ANKRD45: variants seen among roughly 807,000 people sequenced by gnomAD.
The protein encoded by ANKRD45 is ankyrin repeat domain-containing protein 45.
A neutral mutation model predicts 28.1 loss-of-function variants in ANKRD45; 21 were observed. The ratio of observed to expected loss-of-function variants is 0.75; its 90% CI spans 0.53 to 1.08. The LOEUF (loss-of-function observed/expected upper bound fraction) is 1.08. Ranked by LOEUF, ANKRD45 falls within the 50% of genes least tolerant of loss-of-function variation. ANKRD45 has a pLI of 0.00. For synonymous variants in ANKRD45, 86 were observed against 103.9 expected, an observed-to-expected ratio of 0.83 and a Z score of 1.05; for missense variants, 261 against 308.7, an observed-to-expected ratio of 0.85 and a Z score of 1.16.
intron 3 of ANKRD45, among the ~76,000 whole-genome samples, chr1:173,636,551 C>T (rs1354820983): frequency 6.6e-6 from 1 of 152,136 alleles, no homozygotes; most frequent in African/African-American, 2.4e-5. Context: ...CAAATAATTT[C>T]TCCCAAGAGA....
At chr1:173,655,902 C>T (rs188097249) in intron 2 of ANKRD45, among the ~76,000 whole-genome samples, 33 of 152,224 alleles carry the variant, frequency 2.2e-4, no homozygotes, top group Non-Finnish European at 2.8e-4. Context: ...GCATGGGACC[C>T]GCCAAGCCAG....
At chr1:173,695,529 G>A in the ANKRD45 span, among the ~76,000 whole-genome samples, 1 of 152,130 alleles carries the variant, frequency 6.6e-6, no homozygotes, top group Non-Finnish European at 1.5e-5. Flanking sequence ...CAAAGGACAT[G>A]ATATCACTCT....
chr1:173,631,089 C>A (rs1185547793), intron 3 of ANKRD45, among the ~76,000 whole-genome samples: 1 of 151,794 alleles, frequency 6.6e-6, no homozygotes, highest in Admixed American at 6.6e-5. Flanking sequence ...ACACACTTCA[C>A]CTGTAAAGAC....
At position 173,610,085 on chromosome 1, in the gene ANKRD45, C is replaced by A. The variant is rs1667076163; in HGVS notation, c.*60G>T. ...CATCTGTTTTCTCGATTTCAAATGG[C>A]ATGAATAGGTTTGCCTTTCAGATAC... On this transcript the variant is annotated 3_prime_UTR_variant, in exon 6 of 6. Transcript: ENST00000333279. 1.3e-6 allele frequency: 2 copies of A among 1,488,400 alleles called. No homozygotes were observed. The highest frequency in any genetic ancestry group is 2.8e-5 in the African/African-American group (2 of 71,544). 92.2% of individuals were successfully genotyped at this position (1,488,400 alleles called of 1,614,324 possible). A position where few individuals can be genotyped will look rare whatever the true frequency, so the allele number is the denominator to read the frequency against.
At chr1:173,632,603 C>T (rs1186203243) in intron 3 of ANKRD45, among the ~76,000 whole-genome samples, 2 of 151,542 alleles carry the variant, frequency 1.3e-5, no homozygotes, top group Non-Finnish European at 2.9e-5. Flanking sequence ...CAAAAATCCT[C>T]AACAAAATGC....
the ANKRD45 span, among the ~76,000 whole-genome samples, chr1:173,681,696 T>G: frequency 6.6e-6 from 1 of 152,062 alleles, no homozygotes; most frequent in African/African-American, 2.4e-5. Flanking sequence ...GAAAATCAAA[T>G]AGAAAAATTT....
In ANKRD45 at chr1:173,609,403, G is replaced by C. The variant is rs1667051293; in HGVS notation, c.*742C>G. ...AACGTAAGAGAAGGTTGAGGCGCCT[G>C]ATTAAATAAATTAGAAAAAAGGCTT... On this transcript the variant is annotated 3_prime_UTR_variant, in exon 6 of 6. Coordinates refer to ENST00000333279, the MANE Select transcript of ANKRD45 (RefSeq NM_198493.3). 6.6e-6 allele frequency among the ~76,000 whole-genome samples: 1 copy of C among 152,192 alleles called. No individual in the cohort carries two copies. Among genetic ancestry groups the C allele is most frequent in the Admixed American group, 6.5e-5 (1 of 15,288 alleles).
At chr1:173,652,428 T>C (rs1202721574) in intron 2 of ANKRD45, among the ~76,000 whole-genome samples, 3 of 152,214 alleles carry the variant, frequency 2.0e-5, no homozygotes, top group Non-Finnish European at 4.4e-5. Flanking sequence ...GAACCAGCCT[T>C]GCATCCCAGG....
intron 1 of ANKRD45, chr1:173,667,742 C>T: frequency 2.3e-6 from 1 of 431,884 alleles, no homozygotes; most frequent in Admixed American, 2.7e-5. Context: ...CTACCACTTG[C>T]AGAGTTTTGG....
At chr1:173,651,654 G>C (rs1669227791) in intron 2 of ANKRD45, among the ~76,000 whole-genome samples, 1 of 152,088 alleles carries the variant, frequency 6.6e-6, no homozygotes, top group Admixed American at 6.5e-5. Context: ...AGCTTGATGG[G>C]GATGGCATTG....
At chr1:173,665,486 G>A (rs1669979078) in intron 1 of ANKRD45, among the ~76,000 whole-genome samples, 1 of 152,096 alleles carries the variant, frequency 6.6e-6, no homozygotes, top group South Asian at 2.1e-4. Context: ...TCAAAGATAT[G>A]AAGACAAACT....
intron 5 of ANKRD45, among the ~76,000 whole-genome samples, chr1:173,621,966 A>T (rs1667726186): frequency 6.6e-6 from 1 of 152,220 alleles, no homozygotes; most frequent in African/African-American, 2.4e-5. Flanking sequence ...AACTATCAGG[A>T]TACAAACTCA....
chr1:173,706,779 G>A, the ANKRD45 span, among the ~76,000 whole-genome samples: 6 of 152,112 alleles, frequency 3.9e-5, 1 homozygote, highest in African/African-American at 1.4e-4. Flanking sequence ...ATAACCTTGT[G>A]CATAACTTAT....
the ANKRD45 span, among the ~76,000 whole-genome samples, chr1:173,707,481 C>T: frequency 7.3e-4 from 111 of 152,026 alleles, no homozygotes; most frequent in African/African-American, 2.5e-3. Flanking sequence ...TACAGGTGCC[C>T]GCCACCATGC....
chr1:173,645,262 C>A (rs1668873150), intron 3 of ANKRD45, among the ~76,000 whole-genome samples: 1 of 152,134 alleles, frequency 6.6e-6, no homozygotes, highest in African/African-American at 2.4e-5. Context: ...ATTCTAGTCC[C>A]TTTCTCATTT....
the ANKRD45 span, among the ~76,000 whole-genome samples, chr1:173,708,963 T>C: frequency 1.3e-5 from 2 of 152,194 alleles, no homozygotes; most frequent in African/African-American, 2.4e-5. Flanking sequence ...TCAAGAAAAC[T>C]AGGAAAATGC....
intron 1 of ANKRD45, 147 bp downstream of exon 1, chr1:173,669,670 G>C: frequency 2.8e-6 from 1 of 361,338 alleles, no homozygotes; most frequent in Non-Finnish European, 5.7e-6. Flanking sequence ...CAAAGCTCTG[G>C]ACAGAAGCAG....
At chr1:173,615,797 T>C (rs1318270284) in intron 5 of ANKRD45, among the ~76,000 whole-genome samples, 4 of 152,076 alleles carry the variant, frequency 2.6e-5, no homozygotes, top group Non-Finnish European at 5.9e-5. Flanking sequence ...CAAATGTCCA[T>C]CAATTGATAA....
intron 3 of ANKRD45, among the ~76,000 whole-genome samples, chr1:173,628,693 A>G (rs965353103): frequency 2.6e-5 from 4 of 152,208 alleles, no homozygotes; most frequent in Admixed American, 6.5e-5. Flanking sequence ...AGACCCACCC[A>G]GAGCCTGGGG....
Sources: gnomAD v4.1 joint callset for allele counts (sites outside exome capture counted in the v4.1 genomes callset) on GRCh38, gnomAD v4.1.1 for gene constraint, MANE v1.5 for transcripts, NCBI Gene and HGNC (gene_info 2026-07-23, HGNC 2026-07-21) for gene names.